C8orf34: variants seen among roughly 807,000 people sequenced by gnomAD.
C8orf34 encodes uncharacterized protein C8orf34.
In C8orf34, 65 loss-of-function variants were observed where a neutral mutation model predicts 68.3. The ratio of observed to expected loss-of-function variants is 0.95; its 90% confidence interval spans 0.78 to 1.17. C8orf34 has a LOEUF of 1.17. Among genes scored for constraint, C8orf34 ranks in the 50% most tolerant of loss-of-function variants. C8orf34 has a pLI of 0.00. For missense variants in C8orf34, 664 were observed against 655.4 expected (o/e 1.01, Z -0.14); for synonymous variants, 244 against 241.2 (o/e 1.01, Z -0.11).
At chr8:68,799,431 T>C (rs1824268311) in intron 12 of C8orf34, among the ~76,000 whole-genome samples, 1 of 152,184 alleles carries the variant, frequency 6.6e-6, no homozygotes, top group Middle Eastern at 3.2e-3. Flanking sequence ...TTTGTATATT[T>C]TTTGTCACTG....
intron 7 of C8orf34, among the ~76,000 whole-genome samples, chr8:68,579,569 G>A (rs1817001619): frequency 1.3e-5 from 2 of 152,066 alleles, no homozygotes; most frequent in Non-Finnish European, 2.9e-5. Context: ...AACCTGCAAA[G>A]TAAACTTTGT....
chr8:68,492,387 G>A (rs528380347), intron 5 of C8orf34, among the ~76,000 whole-genome samples: 2 of 152,010 alleles, frequency 1.3e-5, no homozygotes, highest in African/African-American at 4.8e-5. Context: ...GTGCCACCAT[G>A]CCTGGCTAAT....
chr8:68,637,397 GC>G (rs1387303372), intron 7 of C8orf34, among the ~76,000 whole-genome samples: 2 of 152,078 alleles, frequency 1.3e-5, no homozygotes, highest in African/African-American at 4.8e-5. Flanking sequence ...AAAATTTCCA[GC>G]CTTGATGATC....
chr8:68,436,712 T>A (rs1298291928), intron 1 of C8orf34, among the ~76,000 whole-genome samples: 1 of 152,158 alleles, frequency 6.6e-6, no homozygotes, highest in Non-Finnish European at 1.5e-5. Flanking sequence ...GAATACTTTT[T>A]TCCTATGGTG....
chr8:68,459,283 G>T (rs1002885534), intron 3 of C8orf34, among the ~76,000 whole-genome samples: 2 of 152,028 alleles, frequency 1.3e-5, no homozygotes, highest in African/African-American at 2.4e-5. Context: ...AGGCTGGAGT[G>T]CAGTGGCATG....
intron 3 of C8orf34, among the ~76,000 whole-genome samples, chr8:68,460,269 G>T (rs562508323): frequency 2.0e-5 from 3 of 152,218 alleles, no homozygotes; most frequent in Admixed American, 6.5e-5. Context: ...GGCTTGCTTA[G>T]GTAAACAAAA....
intron 8 of C8orf34, among the ~76,000 whole-genome samples, chr8:68,678,369 T>A (rs146903228): frequency 6.6e-6 from 1 of 152,030 alleles, no homozygotes; most frequent in Non-Finnish European, 1.5e-5. Flanking sequence ...CAACAACACA[T>A]TAGAAAGATC....
At chr8:68,803,559 G>T (rs973466634) in intron 12 of C8orf34, among the ~76,000 whole-genome samples, 1 of 151,832 alleles carries the variant, frequency 6.6e-6, no homozygotes, top group African/African-American at 2.4e-5. Flanking sequence ...AATTACTGAA[G>T]CATTTCTCTT....
intron 8 of C8orf34, among the ~76,000 whole-genome samples, chr8:68,669,911 TG>T (rs1466723261): frequency 3.3e-5 from 5 of 152,174 alleles, no homozygotes; most frequent in Admixed American, 1.3e-4. Flanking sequence ...ATTGACCAAA[TG>T]TTTTTTTGTT....
At chr8:68,364,762 T>G (rs1182436906) in intron 1 of C8orf34, among the ~76,000 whole-genome samples, 17 of 141,078 alleles carry the variant, frequency 1.2e-4, no homozygotes, top group Admixed American at 5.6e-4. Flanking sequence ...AGAGGGAAAT[T>G]TATAGCACTA....
chr8:68,638,267 G>A (rs895813261), intron 7 of C8orf34, among the ~76,000 whole-genome samples: 17 of 151,234 alleles, frequency 1.1e-4, no homozygotes, highest in African/African-American at 3.9e-4. Context: ...GCCATCTGGT[G>A]CCACCAAAAA....
intron 8 of C8orf34, among the ~76,000 whole-genome samples, chr8:68,668,179 G>A (rs530495614): frequency 1.2e-4 from 18 of 151,872 alleles, no homozygotes; most frequent in East Asian, 3.9e-4. Flanking sequence ...CCTTAAAAAC[G>A]TATTATTATA....
chr8:68,615,402 T>G (rs1315203318), intron 7 of C8orf34, among the ~76,000 whole-genome samples: 142 of 151,922 alleles, frequency 9.3e-4, no homozygotes, highest in Non-Finnish European at 1.9e-3. Flanking sequence ...TTTTTGCCCA[T>G]TCAGTATGAT....
chr8:68,381,738 CAAAAAAAAAAAA>C (rs769290635), intron 1 of C8orf34, among the ~76,000 whole-genome samples: 32 of 72,070 alleles, frequency 4.4e-4, no homozygotes, highest in African/African-American at 6.1e-5. Context: ...GACTCCGTCT[CAAAAAAAAAAAA>C]AAAAAAAAAA....
intron 5 of C8orf34, among the ~76,000 whole-genome samples, chr8:68,517,181 T>C (rs1411216096): frequency 6.6e-6 from 1 of 152,236 alleles, no homozygotes; most frequent in African/African-American, 2.4e-5. Context: ...TTATGTTATA[T>C]GAAGTGTTTA....
chr8:68,612,738 AATT>A (rs1173889707), intron 7 of C8orf34, among the ~76,000 whole-genome samples: 11 of 152,134 alleles, frequency 7.2e-5, no homozygotes, highest in African/African-American at 2.7e-4. Flanking sequence ...CATATAGATC[AATT>A]ATTATGTTAG....
chr8:68,334,324 T>C (rs932074327), intron 1 of C8orf34, among the ~76,000 whole-genome samples: 3 of 152,054 alleles, frequency 2.0e-5, no homozygotes, highest in Non-Finnish European at 4.4e-5. Context: ...TGGACAATGA[T>C]ATTCTGATTA....
intron 10 of C8orf34, among the ~76,000 whole-genome samples, chr8:68,727,054 G>T (rs1821851278): frequency 6.6e-6 from 1 of 152,082 alleles, no homozygotes; most frequent in Non-Finnish European, 1.5e-5. Context: ...ATGGCCCACA[G>T]TCCAAAGTCT....
chr8:68,673,437 C>T (rs1241713386), intron 8 of C8orf34, among the ~76,000 whole-genome samples: 2 of 152,074 alleles, frequency 1.3e-5, no homozygotes, highest in African/African-American at 2.4e-5. Context: ...GCCCTGACAC[C>T]ATTCACCACA....
Sources: allele counts gnomAD v4.1 joint callset (sites outside exome capture counted in the v4.1 genomes callset), GRCh38; gene constraint gnomAD v4.1.1; transcripts MANE v1.5; gene names NCBI Gene and HGNC (gene_info 2026-07-23, HGNC 2026-07-21).